FBN1: variants seen among roughly 807,000 people sequenced by gnomAD.
FBN1 encodes fibrillin 1.
A neutral mutation model predicts 365.1 loss-of-function variants in FBN1; 29 were observed. That is an observed-to-expected ratio of 0.08 (90% confidence interval 0.06 to 0.11). The LOEUF (loss-of-function observed/expected upper bound fraction) is 0.11. Among genes scored for constraint, FBN1 ranks in the 10% least tolerant of loss-of-function variants. The pLI, the probability that FBN1 is intolerant of heterozygous loss-of-function variation, is 1.00. For missense variants in FBN1, 2,476 were observed against 3,703.2 expected (o/e 0.67, Z 8.60); for synonymous variants, 1,210 against 1,270.5 (o/e 0.95, Z 1.01).
At chr15:48,566,253 G>C (rs1006251368) in intron 6 of FBN1, among the ~76,000 whole-genome samples, 2 of 152,152 alleles carry the variant, frequency 1.3e-5, no homozygotes, top group Non-Finnish European at 2.9e-5. Context: ...AGCAACAGGG[G>C]AAAAAGTTTC....
At chr15:48,608,213 C>G (rs1159141887) in intron 4 of FBN1, among the ~76,000 whole-genome samples, 3 of 152,204 alleles carry the variant, frequency 2.0e-5, no homozygotes, top group African/African-American at 7.2e-5. Flanking sequence ...CCATTCTGTT[C>G]ATATTCAAGT....
chr15:48,502,271 C>T (rs1018938947), intron 17 of FBN1, among the ~76,000 whole-genome samples: 1 of 152,194 alleles, frequency 6.6e-6, no homozygotes, highest in Non-Finnish European at 1.5e-5. Context: ...GTCTTGAACT[C>T]CTAACCTCAA....
chr15:48,488,005 C>T lies in FBN1; in HGVS notation c.3337+108G>A, dbSNP rs370255471. The T allele has an allele frequency of 1.2e-5, 17 of 1,408,236 alleles. No homozygotes were observed. In the South Asian group the frequency reaches 1.5e-4, roughly 12 times the overall value. 87.2% of individuals were successfully genotyped at this position (1,408,236 alleles called of 1,614,324 possible). On this transcript the variant is annotated intron_variant, in intron 27 of 65. Transcript: ENST00000316623. ...TCTGTTGCAGACTGATTCCTAACTT[C>T]ACTGGTTGCACTGGGGCAGCAGGAA...
At chr15:48,510,238 C>T in intron 13 of FBN1, 69 bp from the exon 14 acceptor site, 1 of 1,514,298 alleles carries the variant, frequency 6.6e-7, no homozygotes, top group Non-Finnish European at 9.1e-7. Context: ...ATTTCCCCCT[C>T]CCTCCATTTG....
chr15:48,459,719 G>A (rs925275371), intron 43 of FBN1, among the ~76,000 whole-genome samples: 1 of 152,218 alleles, frequency 6.6e-6, no homozygotes, highest in Non-Finnish European at 1.5e-5. Flanking sequence ...TCCCAATGTT[G>A]TGTTCTCTGC....
At chr15:48,456,035 A>G (rs1444656234) in intron 44 of FBN1, among the ~76,000 whole-genome samples, 1 of 152,220 alleles carries the variant, frequency 6.6e-6, no homozygotes, top group Non-Finnish European at 1.5e-5. Context: ...TAAGAGAACT[A>G]TCTTTCCCAG....
chr15:48,418,473 T>C (rs908279342), intron 63 of FBN1, among the ~76,000 whole-genome samples: 1 of 152,222 alleles, frequency 6.6e-6, no homozygotes, highest in Non-Finnish European at 1.5e-5. Flanking sequence ...CAGATTAAAA[T>C]AAGAAATTGG....
intron 43 of FBN1, among the ~76,000 whole-genome samples, chr15:48,458,700 T>C (rs938622373): frequency 2.6e-5 from 4 of 152,244 alleles, no homozygotes; most frequent in Non-Finnish European, 5.9e-5. Flanking sequence ...TATTTTCTTT[T>C]CCTGTCAGGA....
intron 44 of FBN1, among the ~76,000 whole-genome samples, chr15:48,454,260 G>C (rs927915135): frequency 6.6e-6 from 1 of 152,120 alleles, no homozygotes; most frequent in African/African-American, 2.4e-5. Context: ...TTGAGGTACA[G>C]GGCTGTAAAG....
intron 2 of FBN1, among the ~76,000 whole-genome samples, chr15:48,621,891 G>A (rs548973452): frequency 6.6e-5 from 10 of 151,672 alleles, no homozygotes; most frequent in Admixed American, 2.6e-4. Flanking sequence ...CCAGCTACTC[G>A]GGAGGCTGAG....
In FBN1 at chr15:48,472,575, T is replaced by C. The variant is rs1309215883; in HGVS notation, c.4312A>G (p.Ser1438Gly). 3.7e-6 allele frequency: 6 copies of C among 1,613,996 alleles called. No individual in the cohort carries two copies. The Admixed American group carries it at 6.7e-5, about 18-fold the overall frequency. Residue 1438 changes from serine (S) to glycine (G), a missense_variant, in exon 35 of 66, where the codon AGT becomes GGT. Coordinates refer to ENST00000316623, the MANE Select transcript of FBN1 (RefSeq NM_000138.5). ...CCTTCACAGGCTTTCCCGTCAGCAC[T>C]GGGCACGAAGCCCATGTCGCATTCA... ...RCECDMGFVP[S>G]ADGKACEDID...
At chr15:48,636,359 G>C (rs1890091267) in intron 2 of FBN1, among the ~76,000 whole-genome samples, 1 of 152,276 alleles carries the variant, frequency 6.6e-6, no homozygotes, top group Middle Eastern at 3.4e-3. Context: ...GAGGACATAT[G>C]AGTCCATGTG....
At position 48,496,134 on chromosome 15, in the gene FBN1, T is replaced by C. The variant is rs1207115566; in HGVS notation, c.2385A>G (p.Gly795=). The C allele has an allele frequency of 1.2e-6, 2 of 1,613,830 alleles. No homozygotes were observed. Among genetic ancestry groups the C allele is most frequent in the Non-Finnish European group, 1.7e-6 (2 of 1,179,820 alleles). The change falls in exon 20 of 66, where the codon GGA becomes GGG. Residue 795 remains glycine, a synonymous_variant. Coordinates refer to ENST00000316623, the MANE Select transcript of FBN1 (RefSeq NM_000138.5). ...PGSFVCTCPK[G]FIYKPDLKTC... ...TTTTTAGATCAGGTTTGTAGATAAA[T>C]CCCTTGGGGCAGGTACAGACAAAAC...
intron 6 of FBN1, among the ~76,000 whole-genome samples, chr15:48,568,034 A>AAAG (rs1555403272): frequency 2.9e-3 from 304 of 103,724 alleles, no homozygotes; most frequent in African/African-American, 0.016. Context: ...AGAAAGAAAG[A>AAAG]AAGAAAGAAA....
At chr15:48,568,836 T>C (rs1346990182) in intron 6 of FBN1, among the ~76,000 whole-genome samples, 1 of 151,986 alleles carries the variant, frequency 6.6e-6, no homozygotes, top group Non-Finnish European at 1.5e-5. Context: ...TATACAAAAA[T>C]TAATTCAAAA....
At chr15:48,444,137 A>C (rs1343554829) in intron 49 of FBN1, among the ~76,000 whole-genome samples, 1 of 152,208 alleles carries the variant, frequency 6.6e-6, no homozygotes, top group African/African-American at 2.4e-5. Flanking sequence ...AAAATAGACA[A>C]ACGATATAAC....
At chr15:48,536,480 G>T (rs1232213953) in intron 7 of FBN1, among the ~76,000 whole-genome samples, 2 of 152,134 alleles carry the variant, frequency 1.3e-5, no homozygotes, top group Non-Finnish European at 2.9e-5. Flanking sequence ...ATCCCAAGAT[G>T]AACAAATTCT....
chr15:48,427,846 C>T, intron 57 of FBN1, 73 bp from the exon 58 acceptor site: 1 of 1,472,104 alleles, frequency 6.8e-7, no homozygotes, highest in Non-Finnish European at 9.4e-7. Flanking sequence ...AAAATTTGGT[C>T]AGATATAAAA....
At chr15:48,435,045 C>G (rs193289562) in intron 53 of FBN1, among the ~76,000 whole-genome samples, 1 of 152,186 alleles carries the variant, frequency 6.6e-6, no homozygotes, top group Non-Finnish European at 1.5e-5. Context: ...AATCTGCCCA[C>G]CTCGGCATCC....
Sources: allele counts gnomAD v4.1 joint callset (sites outside exome capture counted in the v4.1 genomes callset), GRCh38; gene constraint gnomAD v4.1.1; transcripts MANE v1.5; gene names NCBI Gene and HGNC (gene_info 2026-07-23, HGNC 2026-07-21).